The following SPIDR variants were observed in gnomAD, a reference collection of about 807,000 sequenced individuals.
The protein encoded by SPIDR is DNA repair-scaffolding protein.
SPIDR carries 93 observed loss-of-function variants against 104.6 expected under a neutral mutation model. The observed-to-expected ratio is 0.89, with a 90% confidence interval of 0.75 to 1.06. The LOEUF is 1.06. Ranked by LOEUF, SPIDR falls within the 50% of genes least tolerant of loss-of-function variation. SPIDR has a pLI of 0.00. For missense variants in SPIDR, 1,154 were observed against 1,111.2 expected, an observed-to-expected ratio of 1.04 and a Z score of -0.55; for synonymous variants, 431 against 416.9, an observed-to-expected ratio of 1.03 and a Z score of -0.41.
intron 5 of SPIDR, among the ~76,000 whole-genome samples, chr8:47,329,470 C>T (rs1336592257): frequency 5.9e-5 from 9 of 152,044 alleles, no homozygotes; most frequent in African/African-American, 2.2e-4. Flanking sequence ...GGCCTCGCAA[C>T]GTGTTGTATT....
At chr8:47,644,045 T>TC (rs2069735555) in intron 10 of SPIDR, among the ~76,000 whole-genome samples, 1 of 152,232 alleles carries the variant, frequency 6.6e-6, no homozygotes, top group African/African-American at 2.4e-5. Flanking sequence ...GGCTGTACCC[T>TC]CAGTCTGTCC....
intron 1 of SPIDR, among the ~76,000 whole-genome samples, chr8:47,263,068 A>G (rs1257331916): frequency 6.6e-6 from 1 of 152,238 alleles, no homozygotes; most frequent in Non-Finnish European, 1.5e-5. Flanking sequence ...TGAGGTAGAT[A>G]CCATTAGTCT....
chr8:47,503,250 C>G (rs1047163604), intron 8 of SPIDR, among the ~76,000 whole-genome samples: 1 of 152,100 alleles, frequency 6.6e-6, no homozygotes, highest in Admixed American at 6.5e-5. Context: ...TAAAGTCTCG[C>G]ATTGTTACTG....
chr8:47,535,291 T>C (rs942909870), intron 8 of SPIDR, among the ~76,000 whole-genome samples: 3 of 152,152 alleles, frequency 2.0e-5, no homozygotes, highest in African/African-American at 7.2e-5. Flanking sequence ...AAATAGAAAC[T>C]TAAGGAAACA....
chr8:47,360,237 T>TC (rs1295597648), intron 5 of SPIDR, among the ~76,000 whole-genome samples: 1 of 72,734 alleles, frequency 1.4e-5, no homozygotes, highest in Non-Finnish European at 2.3e-5. Context: ...AGAATGAGAC[T>TC]CCATCTCAAA....
intron 10 of SPIDR, among the ~76,000 whole-genome samples, chr8:47,648,536 C>T (rs190363873): frequency 2.7e-4 from 41 of 152,282 alleles, no homozygotes; most frequent in Admixed American, 2.2e-3. Context: ...TGTGTGCACA[C>T]ACTTCCCAGC....
intron 11 of SPIDR, among the ~76,000 whole-genome samples, chr8:47,677,782 G>A (rs555004176): frequency 1.1e-4 from 17 of 152,302 alleles, no homozygotes; most frequent in Non-Finnish European, 2.4e-4. Context: ...AAAGAAGTGA[G>A]AACAAATGCT....
intron 8 of SPIDR, among the ~76,000 whole-genome samples, chr8:47,477,049 A>G (rs2076369168): frequency 6.6e-6 from 1 of 152,218 alleles, no homozygotes; most frequent in African/African-American, 2.4e-5. Context: ...ATTCTGTAGT[A>G]TTTATTGGCC....
chr8:47,269,281 A>G (rs2034766344), intron 1 of SPIDR, among the ~76,000 whole-genome samples: 1 of 150,320 alleles, frequency 6.7e-6, no homozygotes, highest in Non-Finnish European at 1.5e-5. Flanking sequence ...CCCCCAAGAC[A>G]GAATCTTGCG....
intron 7 of SPIDR, among the ~76,000 whole-genome samples, chr8:47,418,294 T>C (rs2064747644): frequency 6.6e-6 from 1 of 152,180 alleles, no homozygotes; most frequent in Non-Finnish European, 1.5e-5. Context: ...CCTCTTTTAT[T>C]TTGTTGAGCA....
intron 8 of SPIDR, chr8:47,547,968 C>G (rs1272755168): frequency 2.6e-5 from 4 of 155,004 alleles, no homozygotes; most frequent in African/African-American, 9.6e-5. Flanking sequence ...GCATTTAGCC[C>G]TATAAAATTC....
At chr8:47,267,591 A>T (rs532523087) in intron 1 of SPIDR, among the ~76,000 whole-genome samples, 2 of 152,338 alleles carry the variant, frequency 1.3e-5, no homozygotes, top group Non-Finnish European at 2.9e-5. Context: ...TTTGGTTTGC[A>T]GTTCCCTAAT....
chr8:47,420,922 A>G (rs1361557358), intron 7 of SPIDR, among the ~76,000 whole-genome samples: 1 of 152,256 alleles, frequency 6.6e-6, no homozygotes, highest in Non-Finnish European at 1.5e-5. Flanking sequence ...TTCTTTAAGA[A>G]TGTTGAATAT....
rs142048005 is a variant in SPIDR, at chr8:47,514,087, G to A, written c.1097+73545G>A. On this transcript the variant is annotated intron_variant, in intron 8 of 19. Transcript: ENST00000297423. ...ACCTTTTGTATCTGATCAAAAGTCC[G>A]TGAATCTAATAATAACAATTTAAGT... 1.6e-3 allele frequency among the ~76,000 whole-genome samples: 243 copies of A among 152,262 alleles called. 5 individuals carry two copies. In the East Asian group the frequency reaches 0.032, roughly 20 times the overall value.
intron 5 of SPIDR, among the ~76,000 whole-genome samples, chr8:47,298,838 G>C (rs1292617052): frequency 6.6e-6 from 1 of 152,172 alleles, no homozygotes; most frequent in Non-Finnish European, 1.5e-5. Flanking sequence ...CCAGTACCAT[G>C]GTGTTTTGGT....
At chr8:47,664,671 G>A (rs1222483851) in intron 10 of SPIDR, among the ~76,000 whole-genome samples, 1 of 145,034 alleles carries the variant, frequency 6.9e-6, no homozygotes, top group Non-Finnish European at 1.5e-5. Context: ...ATTTTGGGAG[G>A]CCAAGGCTAG....
chr8:47,539,420 C>T (rs1172223411), intron 8 of SPIDR, among the ~76,000 whole-genome samples: 2 of 152,166 alleles, frequency 1.3e-5, no homozygotes, highest in Non-Finnish European at 2.9e-5. Context: ...AGGGCCCATC[C>T]TACCTGGGGC....
intron 8 of SPIDR, among the ~76,000 whole-genome samples, chr8:47,440,901 A>T (rs535915556): frequency 6.6e-6 from 1 of 152,322 alleles, no homozygotes; most frequent in East Asian, 1.9e-4. Context: ...TTAATTAAAT[A>T]TTTCTTAGTC....
intron 15 of SPIDR, 161 bp downstream of exon 15, chr8:47,713,033 G>T: frequency 1.4e-6 from 2 of 1,399,578 alleles, no homozygotes; most frequent in South Asian, 3.4e-5. Flanking sequence ...AGCCTTCACT[G>T]ACCCTGTAGC....
Sources: allele counts gnomAD v4.1 joint callset (sites outside exome capture counted in the v4.1 genomes callset), GRCh38; gene constraint gnomAD v4.1.1; transcripts MANE v1.5; gene names NCBI Gene and HGNC (gene_info 2026-07-23, HGNC 2026-07-21).